The following FAT4 variants were observed in gnomAD, a reference collection of about 807,000 sequenced individuals.
FAT4 encodes the protein FAT atypical cadherin 4, also known as protocadherin Fat 4.
Under a neutral mutation model 303.9 loss-of-function variants are expected in FAT4, and 84 were observed. The observed-to-expected ratio is 0.28, with a 90% CI of 0.23 to 0.33. The LOEUF is 0.33. FAT4 is among the 10% of genes least tolerant of loss of function. The probability of loss-of-function intolerance (pLI) is 1.00; values close to 1 mark genes in which losing one functional copy is unlikely to be tolerated. For synonymous variants in FAT4, 2,307 were observed against 2,298.8 expected (o/e 1.00, Z -0.10); for missense variants, 6,005 against 6,146.8 (o/e 0.98, Z 0.77).
chr4:125,351,791 C>A (rs1732235201), intron 2 of FAT4, among the ~76,000 whole-genome samples: 1 of 151,578 alleles, frequency 6.6e-6, no homozygotes, highest in African/African-American at 2.4e-5. Flanking sequence ...AGTGATTAAA[C>A]TTTTGTATTA....
At chr4:125,387,984 T>C (rs781593371) in intron 2 of FAT4, among the ~76,000 whole-genome samples, 1 of 152,188 alleles carries the variant, frequency 6.6e-6, no homozygotes, top group Non-Finnish European at 1.5e-5. Flanking sequence ...CAGTTGGGCT[T>C]CTCTAGGCTA....
intron 8 of FAT4, among the ~76,000 whole-genome samples, chr4:125,439,494 G>A (rs894335486): frequency 3.4e-5 from 5 of 145,018 alleles, no homozygotes; most frequent in Admixed American, 7.1e-5. Context: ...CACCATGCCC[G>A]GCTAATTTTT....
intron 11 of FAT4, among the ~76,000 whole-genome samples, chr4:125,467,584 AACAG>A (rs1726709943): frequency 6.6e-6 from 1 of 152,186 alleles, no homozygotes; most frequent in South Asian, 2.1e-4. Flanking sequence ...CTTTCAGAAA[AACAG>A]ACAGCTATTT....
intron 15 of FAT4, among the ~76,000 whole-genome samples, chr4:125,481,156 T>G (rs1241762927): frequency 9.2e-5 from 14 of 152,192 alleles, no homozygotes; most frequent in Non-Finnish European, 1.9e-4. Context: ...TGCAAACGTA[T>G]ATTTTGGAAA....
intron 2 of FAT4, among the ~76,000 whole-genome samples, chr4:125,360,487 C>T (rs967466706): frequency 1.6e-4 from 24 of 152,088 alleles, no homozygotes; most frequent in African/African-American, 4.8e-5. Context: ...ATTGCTCCCT[C>T]GGTAGAGTCC....
chr4:125,363,269 A>G (rs572515991), intron 2 of FAT4, among the ~76,000 whole-genome samples: 1 of 151,788 alleles, frequency 6.6e-6, no homozygotes, highest in South Asian at 2.1e-4. Context: ...GTGCTTATAT[A>G]TATTTATATA....
intron 2 of FAT4, among the ~76,000 whole-genome samples, chr4:125,362,035 G>T (rs1732695630): frequency 6.6e-6 from 1 of 152,010 alleles, no homozygotes; most frequent in Admixed American, 6.6e-5. Flanking sequence ...CTCATTGAAA[G>T]ACCTTTGAAA....
Position 125,434,275 on chromosome 4 carries a change from T to C in FAT4, c.7049T>C (p.Ile2350Thr), listed in dbSNP as rs1251344755. 6.2e-7 allele frequency: 1 copy of C among 1,613,784 alleles called. No homozygotes were observed. The highest frequency in any genetic ancestry group is 8.5e-7 in the Non-Finnish European group (1 of 1,179,870). Residue 2350 changes from isoleucine (I) to threonine (T), a missense_variant, in exon 8 of 18, where the codon ATC (isoleucine) becomes ACC (threonine). Physicochemically the swap from Ile to Thr is moderately conservative, Grantham distance 89. Coordinates refer to ENST00000394329, the MANE Select transcript of FAT4 (RefSeq NM_001291303.3). ...GSPALTGTGTINVIVDDVNDN... is the reference protein window; with the variant it reads ...GSPALTGTGTTNVIVDDVNDN... ...CCTGCCTTGACTGGAACTGGAACAA[T>C]CAACGTCATAGTAGATGATGTCAAT...
chr4:125,466,625 A>G (rs910770517), intron 11 of FAT4, among the ~76,000 whole-genome samples: 2 of 146,488 alleles, frequency 1.4e-5, no homozygotes, highest in African/African-American at 5.0e-5. Context: ...ATATAAGTAT[A>G]TAATGTATAA....
At chr4:125,479,981 A>G in intron 15 of FAT4, 116 bp downstream of exon 15, 2 of 773,676 alleles carry the variant, frequency 2.6e-6, no homozygotes, top group Non-Finnish European at 1.8e-6. Context: ...ATATTAAAAT[A>G]TTAAATGGAC....
intron 2 of FAT4, among the ~76,000 whole-genome samples, chr4:125,392,511 GA>G (rs1200432088): frequency 2.0e-5 from 3 of 152,010 alleles, no homozygotes; most frequent in Non-Finnish European, 2.9e-5. Flanking sequence ...CATCTTTTAA[GA>G]AAAAGAAATA....
At chr4:125,454,770 T>C (rs1726220627) in intron 10 of FAT4, among the ~76,000 whole-genome samples, 1 of 152,086 alleles carries the variant, frequency 6.6e-6, no homozygotes. Flanking sequence ...GAGATGGAGG[T>C]TGCAGTGAGC....
intron 7 of FAT4, among the ~76,000 whole-genome samples, chr4:125,418,305 G>A (rs1735151972): frequency 6.6e-6 from 1 of 152,166 alleles, no homozygotes; most frequent in East Asian, 1.9e-4. Context: ...CCCAGAGATA[G>A]GTCAACTTCA....
At chr4:125,447,793 A>G (rs565084003) in intron 9 of FAT4, among the ~76,000 whole-genome samples, 14 of 152,250 alleles carry the variant, frequency 9.2e-5, no homozygotes, top group Admixed American at 6.5e-4. Flanking sequence ...TTGGAGTCCA[A>G]GTTGAGTCCA....
In FAT4 at chr4:125,476,286, T is replaced by C. The variant is rs774964710; in HGVS notation, c.12299+30T>C. ...GGAATAGGATTAGTTTAATTTTTAT[T>C]ATTACTTAAAATTTTTTAAAATAAA... On this transcript the variant is annotated intron_variant, in intron 13 of 17. Transcript: ENST00000394329. The C allele has an allele frequency of 2.3e-6, 3 of 1,330,418 alleles. No individual in the cohort carries two copies. In the African/African-American group the frequency reaches 4.5e-5, roughly 20 times the overall value. The allele number at this position is 1,330,418 out of a possible 1,614,324, so 82.4% of individuals were successfully genotyped here.
intron 10 of FAT4, among the ~76,000 whole-genome samples, chr4:125,459,585 C>A (rs1347920297): frequency 6.6e-6 from 1 of 151,956 alleles, no homozygotes; most frequent in Non-Finnish European, 1.5e-5. Flanking sequence ...TGATGGATGT[C>A]AAAGCAATGA....
At chr4:125,360,271 G>A (rs1055624103) in intron 2 of FAT4, among the ~76,000 whole-genome samples, 3 of 152,062 alleles carry the variant, frequency 2.0e-5, no homozygotes, top group African/African-American at 7.2e-5. Flanking sequence ...GAGTCATCAT[G>A]TCTGGGTTCA....
chr4:125,336,025 C>G (rs1731557334), intron 2 of FAT4, among the ~76,000 whole-genome samples: 1 of 151,982 alleles, frequency 6.6e-6, no homozygotes, highest in Non-Finnish European at 1.5e-5. Context: ...TAAACAACTC[C>G]TGGTCATGTA....
chr4:125,354,100 G>C (rs1167985186), intron 2 of FAT4, among the ~76,000 whole-genome samples: 1 of 151,482 alleles, frequency 6.6e-6, no homozygotes, highest in Admixed American at 6.6e-5. Context: ...GACAAAGGTG[G>C]GAAATTGTAT....
Sources: gnomAD v4.1 joint callset for allele counts (sites outside exome capture counted in the v4.1 genomes callset) on GRCh38, gnomAD v4.1.1 for gene constraint, MANE v1.5 for transcripts, NCBI Gene and HGNC (gene_info 2026-07-23, HGNC 2026-07-21) for gene names.